The following KAT2B variants were observed in gnomAD, a reference collection of about 807,000 sequenced individuals.
KAT2B encodes histone acetyltransferase KAT2B.
A neutral mutation model predicts 105.9 loss-of-function variants in KAT2B; 36 were observed. That is an observed-to-expected ratio of 0.34 (90% confidence interval 0.26 to 0.45). KAT2B has a LOEUF of 0.45. KAT2B is among the 20% of genes least tolerant of loss of function. The pLI, the probability that KAT2B is intolerant of heterozygous loss-of-function variation, is 1.00. For synonymous variants in KAT2B, 397 were observed against 377.9 expected (o/e 1.05, Z -0.59); for missense variants, 820 against 1,021.6 (o/e 0.80, Z 2.69).
chr3:20,119,564 C>T, intron 7 of KAT2B, 34 bp from the exon 8 acceptor site: 1 of 1,612,386 alleles, frequency 6.2e-7, no homozygotes, highest in Non-Finnish European at 8.5e-7. Context: ...AGGAGTCAGT[C>T]ATCTAACACC....
intron 2 of KAT2B, among the ~76,000 whole-genome samples, chr3:20,076,353 C>T (rs1361066748): frequency 6.6e-6 from 1 of 152,100 alleles, no homozygotes; most frequent in African/African-American, 2.4e-5. Flanking sequence ...TCCTTCCTTT[C>T]TTCCTTGTTT....
chr3:20,132,162 G>A (rs967752794), intron 11 of KAT2B, among the ~76,000 whole-genome samples: 3 of 152,228 alleles, frequency 2.0e-5, no homozygotes, highest in African/African-American at 7.2e-5. Context: ...ATCACCTGAG[G>A]TTGGGAGTTT....
intron 11 of KAT2B, among the ~76,000 whole-genome samples, chr3:20,129,641 G>C (rs959920032): frequency 6.6e-6 from 1 of 152,242 alleles, no homozygotes; most frequent in African/African-American, 2.4e-5. Flanking sequence ...CTCCCCAAGT[G>C]CTGAGATTAC....
At chr3:20,123,582 C>G (rs1485033853) in intron 9 of KAT2B, among the ~76,000 whole-genome samples, 1 of 152,140 alleles carries the variant, frequency 6.6e-6, no homozygotes, top group Non-Finnish European at 1.5e-5. Flanking sequence ...TGACCTCTGG[C>G]CTAATATAAA....
chr3:20,141,571 C>T (rs1699695297), intron 13 of KAT2B, among the ~76,000 whole-genome samples: 1 of 152,114 alleles, frequency 6.6e-6, no homozygotes, highest in Non-Finnish European at 1.5e-5. Context: ...TAACAAATAG[C>T]TTAGGAGGAC....
intron 4 of KAT2B, 21 bp downstream of exon 4, chr3:20,099,975 C>G: frequency 7.8e-7 from 1 of 1,286,744 alleles, no homozygotes; most frequent in Non-Finnish European, 1.1e-6. Flanking sequence ...TTTAAAAGCC[C>G]TCTTTTTATT....
At chr3:20,078,461 C>A (rs184700295) in intron 2 of KAT2B, among the ~76,000 whole-genome samples, 3 of 152,000 alleles carry the variant, frequency 2.0e-5, no homozygotes, top group Non-Finnish European at 4.4e-5. Flanking sequence ...CAACCTCCCC[C>A]TCTTGGGCTC....
intron 1 of KAT2B, among the ~76,000 whole-genome samples, chr3:20,070,012 C>T (rs913805952): frequency 3.9e-5 from 6 of 152,118 alleles, no homozygotes; most frequent in Non-Finnish European, 7.3e-5. Context: ...ATTTCAAGGC[C>T]AGGTTCAGCC....
At chr3:20,086,404 G>T (rs1453082544) in intron 2 of KAT2B, among the ~76,000 whole-genome samples, 1 of 152,148 alleles carries the variant, frequency 6.6e-6, no homozygotes, top group Non-Finnish European at 1.5e-5. Flanking sequence ...TTCAAGACTA[G>T]CCTGGGCAAC....
At chr3:20,047,000 G>A (rs1697822838) in intron 1 of KAT2B, among the ~76,000 whole-genome samples, 1 of 151,996 alleles carries the variant, frequency 6.6e-6, no homozygotes, top group Non-Finnish European at 1.5e-5. Context: ...AGAATTAACA[G>A]AAGTTGAGAA....
intron 3 of KAT2B, among the ~76,000 whole-genome samples, chr3:20,098,953 G>A (rs946756193): frequency 1.3e-5 from 2 of 152,034 alleles, no homozygotes; most frequent in South Asian, 2.1e-4. Flanking sequence ...TCCATGTTTT[G>A]TTTCTACTGA....
rs534221114 is a variant in KAT2B, at chr3:20,118,445, G to A, written c.1151-1153G>A. Among the ~76,000 whole-genome samples, 4 of 150,138 alleles carry A rather than the reference G, an allele frequency of 2.7e-5. No individual in the cohort carries two copies. In the East Asian group the frequency reaches 7.7e-4, roughly 29 times the overall value. ...AAAGAGAGCTATATAGGCCAGGCGTGGTGGCTGACACCTGTAATCCCAGCA... is the reference window on the plus strand; with the variant it reads ...AAAGAGAGCTATATAGGCCAGGCGTAGTGGCTGACACCTGTAATCCCAGCA... On this transcript the variant is annotated intron_variant, in intron 7 of 17. Transcript: ENST00000263754.
intron 12 of KAT2B, among the ~76,000 whole-genome samples, chr3:20,139,585 C>G (rs1478088449): frequency 6.6e-6 from 1 of 151,864 alleles, no homozygotes; most frequent in African/African-American, 2.4e-5. Context: ...GAAATAGATA[C>G]TTAAGGCAAA....
chr3:20,051,216 C>G (rs956539327), intron 1 of KAT2B, among the ~76,000 whole-genome samples: 2 of 142,902 alleles, frequency 1.4e-5, no homozygotes, highest in African/African-American at 2.6e-5. Flanking sequence ...AAAAAAAAAC[C>G]CAAACAAAAA....
chr3:20,139,789 C>G (rs1189553396), intron 12 of KAT2B, among the ~76,000 whole-genome samples: 1 of 138,930 alleles, frequency 7.2e-6, no homozygotes, highest in Non-Finnish European at 1.5e-5. Context: ...CATTAAGTTT[C>G]TAATCACTTT....
intron 5 of KAT2B, among the ~76,000 whole-genome samples, chr3:20,110,961 A>T (rs1489337803): frequency 6.6e-6 from 1 of 152,168 alleles, no homozygotes; most frequent in East Asian, 1.9e-4. Flanking sequence ...TACTTCCTAC[A>T]TTTTTGACTG....
At chr3:20,059,647 G>A (rs1698065638) in intron 1 of KAT2B, among the ~76,000 whole-genome samples, 1 of 151,910 alleles carries the variant, frequency 6.6e-6, no homozygotes, top group Non-Finnish European at 1.5e-5. Flanking sequence ...GGAGCTTGCG[G>A]TGAGCCGAGA....
chr3:20,049,997 C>G (rs559203061), intron 1 of KAT2B, among the ~76,000 whole-genome samples: 1 of 152,140 alleles, frequency 6.6e-6, no homozygotes, highest in East Asian at 1.9e-4. Context: ...CTCAGGAGTT[C>G]GAGACCAGCC....
chr3:20,050,868 T>C (rs7611279), intron 1 of KAT2B, among the ~76,000 whole-genome samples: 2 of 151,980 alleles, frequency 1.3e-5, no homozygotes, highest in Non-Finnish European at 2.9e-5. Flanking sequence ...TTGATAGTCA[T>C]ATTTGGAAGA....
Sources: allele counts gnomAD v4.1 joint callset (sites outside exome capture counted in the v4.1 genomes callset), GRCh38; gene constraint gnomAD v4.1.1; transcripts MANE v1.5; gene names NCBI Gene and HGNC (gene_info 2026-07-23, HGNC 2026-07-21).